Variants in MMS22L observed in about 807,000 individuals in gnomAD.
MMS22L encodes protein MMS22-like.
MMS22L carries 74 observed loss-of-function variants against 159.1 expected under a neutral mutation model. That is an observed-to-expected ratio of 0.47 (90% confidence interval 0.39 to 0.56). MMS22L has a LOEUF of 0.56. Ranked by LOEUF, MMS22L falls within the 20% of genes least tolerant of loss-of-function variation. The probability of loss-of-function intolerance (pLI) is 0.00; values close to 1 mark genes in which losing one functional copy is unlikely to be tolerated. For missense variants in MMS22L, 1,351 were observed against 1,422.1 expected (o/e 0.95, Z 0.80); for synonymous variants, 517 against 506.9 (o/e 1.02, Z -0.27).
rs569366685 is a variant in MMS22L, at chr6:97,180,487, C to G, written c.2385-928G>C. On this transcript the variant is annotated intron_variant, in intron 16 of 24. Transcript: ENST00000683635. ...CTAAATATAAAATGTTATGTAATGT[C>G]CAAAATTTTTAAAATTCATACAAAC... Among the ~76,000 whole-genome samples the G allele has an allele frequency of 1.8e-4, 27 of 152,006 alleles. No individual in the cohort carries two copies. In the South Asian group the frequency reaches 5.2e-3, roughly 29 times the overall value.
chr6:97,274,271 A>G (rs1189381721), intron 4 of MMS22L, among the ~76,000 whole-genome samples: 6 of 152,220 alleles, frequency 3.9e-5, no homozygotes, highest in Non-Finnish European at 1.5e-5. Context: ...GAATAGAAGC[A>G]TAAGTGTGAA....
intron 14 of MMS22L, among the ~76,000 whole-genome samples, chr6:97,198,012 T>C (rs1414128640): frequency 6.6e-6 from 1 of 152,180 alleles, no homozygotes; most frequent in Non-Finnish European, 1.5e-5. Context: ...CACTTCTTGA[T>C]TCTGAGAGAT....
At chr6:97,272,592 G>A in intron 6 of MMS22L, 112 bp downstream of exon 6, 3 of 943,384 alleles carry the variant, frequency 3.2e-6, no homozygotes, top group Non-Finnish European at 4.7e-6. Context: ...TTTCAACTCA[G>A]GCAGTCAGGT....
At chr6:97,205,976 G>A (rs1413112420) in intron 14 of MMS22L, among the ~76,000 whole-genome samples, 1 of 152,166 alleles carries the variant, frequency 6.6e-6, no homozygotes, top group African/African-American at 2.4e-5. Context: ...TACTTTAATT[G>A]TATTGTGAGG....
intron 22 of MMS22L, among the ~76,000 whole-genome samples, chr6:97,155,470 C>G (rs1801738300): frequency 6.6e-6 from 1 of 152,156 alleles, no homozygotes. Context: ...CCCAGTCCCC[C>G]ACCTCCTGAC....
chr6:97,265,613 T>C (rs1457704045), intron 8 of MMS22L: 2 of 152,010 alleles, frequency 1.3e-5, no homozygotes, highest in South Asian at 2.1e-4. Flanking sequence ...ATACATCTGA[T>C]AAGGGGTTAG....
chr6:97,246,092 T>C, intron 11 of MMS22L: 1 of 416,826 alleles, frequency 2.4e-6, no homozygotes, highest in Non-Finnish European at 4.7e-6. Context: ...GAACAGCATG[T>C]TTAAAACTAT....
chr6:97,225,129 T>C (rs1810083292), intron 14 of MMS22L, among the ~76,000 whole-genome samples: 1 of 152,212 alleles, frequency 6.6e-6, no homozygotes. Context: ...CTTTCAAGAA[T>C]GTAAGAATTA....
rs774836115 is a variant in MMS22L at position 97,195,186 on chromosome 6, T to C, written c.2040-8496A>G. The stretch of plus-strand genomic sequence containing the variant: ...AAACACACAGGTATATGGGGAAGAA[T>C]ATTCCAGTGAGAAGAAAAAGTGCAA... On this transcript the variant is annotated intron_variant, in intron 14 of 24. Coordinates refer to ENST00000683635, the MANE Select transcript of MMS22L (RefSeq NM_001350599.2). Among the ~76,000 whole-genome samples, 18 of 152,266 alleles carry C rather than the reference T, an allele frequency of 1.2e-4. No homozygotes were observed. In the East Asian group the frequency reaches 1.5e-3, roughly 13 times the overall value.
Position 97,229,300 on chromosome 6 carries a change from C to CT in MMS22L, c.1632dup (p.Glu545ArgfsTer49). ...TCTAAAACATGACTTGCAACATCTTCTACCTCTGCAACAGCTGCTAACAGT... is the reference window on the plus strand; with the variant it reads ...TCTAAAACATGACTTGCAACATCTTCTTACCTCTGCAACAGCTGCTAACAGT... On this transcript the variant is annotated frameshift_variant, in exon 14 of 25. Coordinates refer to ENST00000683635, the MANE Select transcript of MMS22L (RefSeq NM_001350599.2). LOFTEE classifies it high-confidence loss of function. 1 of 1,614,160 alleles carries CT rather than the reference C, an allele frequency of 6.2e-7. No homozygotes were observed. Among genetic ancestry groups the CT allele is most frequent in the Non-Finnish European group, 8.5e-7 (1 of 1,180,010 alleles).
At chr6:97,227,575 T>A (rs1262145393) in intron 14 of MMS22L, among the ~76,000 whole-genome samples, 1 of 152,134 alleles carries the variant, frequency 6.6e-6, no homozygotes, top group African/African-American at 2.4e-5. Flanking sequence ...AAACCCGCCA[T>A]GAAAACACGG....
At chr6:97,164,476 AC>A (rs1370956392) in intron 21 of MMS22L, among the ~76,000 whole-genome samples, 2 of 152,022 alleles carry the variant, frequency 1.3e-5, no homozygotes, top group Non-Finnish European at 2.9e-5. Context: ...AAGGATATAG[AC>A]TTAGTAGAAT....
At chr6:97,147,575 T>C (rs549589886) in intron 24 of MMS22L, among the ~76,000 whole-genome samples, 1 of 152,272 alleles carries the variant, frequency 6.6e-6, no homozygotes, top group South Asian at 2.1e-4. Context: ...ACACACAGCC[T>C]CTCTAGTTTT....
At position 97,165,703 on chromosome 6, in the gene MMS22L, G is replaced by A. The variant is rs77329114; in HGVS notation, c.3010-246C>T. Among the ~76,000 whole-genome samples, 1,321 of 152,220 alleles carry A rather than the reference G, an allele frequency of 8.7e-3. 18 individuals are homozygous for A. The highest frequency in any genetic ancestry group is 0.029 in the African/African-American group (1,200 of 41,554). Reference sequence around the variant, plus strand: ...AGGTGTGGACAAAGGAAGCAGGGGAGAACAGTAGGAAGACAAAGGCAGATT... The same window carrying A: ...AGGTGTGGACAAAGGAAGCAGGGGAAAACAGTAGGAAGACAAAGGCAGATT... On this transcript the variant is annotated intron_variant, in intron 20 of 24. Transcript: ENST00000683635.
intron 14 of MMS22L, among the ~76,000 whole-genome samples, chr6:97,228,051 G>A (rs773054448): frequency 6.6e-6 from 1 of 152,132 alleles, no homozygotes; most frequent in Non-Finnish European, 1.5e-5. Flanking sequence ...TGCAGCTAAG[G>A]CTATGACTTT....
At chr6:97,149,821 C>T (rs772969651) in intron 24 of MMS22L, 32 bp downstream of exon 24, 2 of 1,523,678 alleles carry the variant, frequency 1.3e-6, no homozygotes, top group Admixed American at 2.1e-5. Flanking sequence ...TAATCACTGC[C>T]CCCCCCAATG....
In MMS22L at chr6:97,178,453, C is replaced by T. The variant is rs778194658; in HGVS notation, c.2669G>A (p.Arg890Gln). 3.9e-6 allele frequency: 6 copies of T among 1,543,254 alleles called. No homozygotes were observed. Among genetic ancestry groups the T allele is most frequent in the Non-Finnish European group, 5.2e-6 (6 of 1,146,936 alleles). Reference protein sequence around the residue: ...ISEDPKKALVRFFEAVGVTYG... With the variant: ...ISEDPKKALVQFFEAVGVTYG... ...ATAAATGACAAATACCTCAAAGAAT[C>T]GAACAAGTGCTTTTTTAGGGTCTTC... Residue 890 changes from arginine to glutamine, a missense_variant, in exon 18 of 25, where the codon CGA becomes CAA. Arg to Gln is a conservative substitution (Grantham distance 43). Transcript: ENST00000683635.
At chr6:97,180,704 A>T (rs531145462) in intron 16 of MMS22L, among the ~76,000 whole-genome samples, 52 of 152,210 alleles carry the variant, frequency 3.4e-4, no homozygotes, top group Non-Finnish European at 6.6e-4. Flanking sequence ...AATTATTTCA[A>T]ATTATTTCAG....
chr6:97,183,786 T>C (rs887590911), intron 15 of MMS22L, among the ~76,000 whole-genome samples: 3 of 152,184 alleles, frequency 2.0e-5, no homozygotes, highest in Non-Finnish European at 2.9e-5. Flanking sequence ...TCCCATTTTA[T>C]CTGGGCACTA....
Sources: gnomAD v4.1 joint callset for allele counts (sites outside exome capture counted in the v4.1 genomes callset) on GRCh38, gnomAD v4.1.1 for gene constraint, MANE v1.5 for transcripts, NCBI Gene and HGNC (gene_info 2026-07-23, HGNC 2026-07-21) for gene names.